BANP: variants seen among roughly 807,000 people sequenced by gnomAD.
The protein encoded by BANP is protein BANP.
A neutral mutation model predicts 68.1 loss-of-function variants in BANP; 11 were observed. The observed-to-expected ratio is 0.16, with a 90% CI of 0.10 to 0.27. BANP has a LOEUF of 0.27. Among genes scored for constraint, BANP ranks in the 10% least tolerant of loss-of-function variants. BANP has a pLI of 1.00. For missense variants in BANP, 504 were observed against 722.7 expected (o/e 0.70, Z 3.47); for synonymous variants, 329 against 303.2 (o/e 1.09, Z -0.88).
intron 1 of BANP, among the ~76,000 whole-genome samples, chr16:87,959,697 G>A (rs1442282490): frequency 6.6e-6 from 1 of 152,192 alleles, no homozygotes; most frequent in East Asian, 1.9e-4. Flanking sequence ...GTGTGTGGCA[G>A]AGGGGCGATG....
chr16:88,006,785 C>T (rs1364228366), intron 6 of BANP, among the ~76,000 whole-genome samples: 1 of 150,870 alleles, frequency 6.6e-6, no homozygotes, highest in Non-Finnish European at 1.5e-5. Context: ...AACCCCATCT[C>T]TACTAAAACT....
In BANP at chr16:88,076,884, C is replaced by T. The variant is rs538100519; in HGVS notation, c.*223C>T. The T allele has an allele frequency of 7.4e-6, 4 of 541,906 alleles. No individual in the cohort carries two copies. Among genetic ancestry groups the T allele is most frequent in the South Asian group, 2.5e-5 (1 of 40,588 alleles). 33.6% of individuals were successfully genotyped at this position (541,906 alleles called of 1,614,324 possible). On this transcript the variant is annotated 3_prime_UTR_variant, in exon 14 of 14. Transcript: ENST00000682872. ...TTCGTTTGAGTCCTGCTGTTGGTGT[C>T]GGAGCACGAGGGGAGGCACGGTGCG... is the stretch of plus-strand genomic sequence containing the variant.
At chr16:88,055,500 G>A (rs1206416877) in intron 11 of BANP, among the ~76,000 whole-genome samples, 4 of 152,102 alleles carry the variant, frequency 2.6e-5, no homozygotes, top group Non-Finnish European at 5.9e-5. Context: ...CTGATACTTC[G>A]CTTAAGAGTA....
At chr16:88,009,249 C>A (rs78499047) in intron 6 of BANP, among the ~76,000 whole-genome samples, 1 of 152,072 alleles carries the variant, frequency 6.6e-6, no homozygotes, top group South Asian at 2.1e-4. Context: ...CGAGTTTCTA[C>A]GAGGGAAAGC....
chr16:87,983,874 T>C (rs1377348134), intron 3 of BANP, among the ~76,000 whole-genome samples, 186 bp from the exon 4 acceptor site: 1 of 152,200 alleles, frequency 6.6e-6, no homozygotes, highest in East Asian at 1.9e-4. Context: ...GTGTGACTCG[T>C]GTGTAAAATG....
chr16:88,009,459 C>T (rs1359167465), intron 6 of BANP, among the ~76,000 whole-genome samples: 1 of 152,238 alleles, frequency 6.6e-6, no homozygotes, highest in Non-Finnish European at 1.5e-5. Context: ...TGTGAATTGA[C>T]ATGCTGTTTT....
chr16:88,066,475 G>T (rs573621686), intron 12 of BANP, among the ~76,000 whole-genome samples: 1 of 152,204 alleles, frequency 6.6e-6, no homozygotes, highest in Non-Finnish European at 1.5e-5. Flanking sequence ...GAAGGAGCTC[G>T]AAGGAACCCA....
intron 1 of BANP, among the ~76,000 whole-genome samples, chr16:87,965,580 C>A (rs2059878250): frequency 6.8e-6 from 1 of 148,038 alleles, no homozygotes; most frequent in Non-Finnish European, 1.5e-5. Flanking sequence ...CGCAGAGGGT[C>A]CAGGAGTAGG....
In BANP at chr16:88,036,044, C is replaced by T. The variant is rs899262638; in HGVS notation, c.1272+650C>T. Reference sequence around the variant, plus strand: ...TTGGAAAGCCGAGGCCAGCCTGTTGCGATGCTCCATGTTTGCATGCCAGAG... The same window carrying T: ...TTGGAAAGCCGAGGCCAGCCTGTTGTGATGCTCCATGTTTGCATGCCAGAG... On this transcript the variant is annotated intron_variant, in intron 10 of 13. Transcript: ENST00000682872. The surrounding 1 kb of genome is among the most constrained non-coding windows in gnomAD (Gnocchi z 4.2). 2.6e-4 allele frequency among the ~76,000 whole-genome samples: 40 copies of T among 152,334 alleles called. No individual in the cohort carries two copies. Among genetic ancestry groups the T allele is most frequent in the African/African-American group, 8.9e-4 (37 of 41,576 alleles).
At chr16:87,993,423 G>T (rs1224010249) in intron 4 of BANP, among the ~76,000 whole-genome samples, 3 of 152,140 alleles carry the variant, frequency 2.0e-5, no homozygotes, top group Non-Finnish European at 4.4e-5. Context: ...GTTTCCATCA[G>T]TGTGTGCTCA....
chr16:87,969,926 T>A (rs2060810119), intron 1 of BANP: 1 of 123,554 alleles, frequency 8.1e-6, no homozygotes, highest in South Asian at 2.3e-4. Flanking sequence ...TTTTTTTTTT[T>A]TGACAGAGTC....
chr16:87,966,128 A>G (rs771568093), intron 1 of BANP, among the ~76,000 whole-genome samples: 9 of 152,178 alleles, frequency 5.9e-5, no homozygotes, highest in Non-Finnish European at 1.2e-4. Context: ...AGATCTTTCC[A>G]TTTTGGTTCA....
intron 1 of BANP, among the ~76,000 whole-genome samples, chr16:87,961,622 G>A (rs985336370): frequency 6.6e-6 from 1 of 152,184 alleles, no homozygotes; most frequent in Non-Finnish European, 1.5e-5. Flanking sequence ...TTAAGGTTTT[G>A]TTGTTCTTTG....
intron 1 of BANP, among the ~76,000 whole-genome samples, chr16:87,964,684 A>C (rs977474188): frequency 6.6e-6 from 1 of 151,092 alleles, no homozygotes; most frequent in African/African-American, 2.4e-5. Context: ...TGATCACAGC[A>C]GAGGTGCAGG....
chr16:88,050,431 C>T (rs2082983696), intron 11 of BANP, among the ~76,000 whole-genome samples: 1 of 152,042 alleles, frequency 6.6e-6, no homozygotes, highest in African/African-American at 2.4e-5. Context: ...GCTCGGGTTA[C>T]AGGCATGAGC....
At chr16:88,054,298 A>ATCG in intron 11 of BANP, among the ~76,000 whole-genome samples, 1 of 114,384 alleles carries the variant, frequency 8.7e-6, no homozygotes, top group Admixed American at 8.5e-5. Flanking sequence ...CTCCATCATC[A>ATCG]TCACCAACAC....
rs933312071 is a variant in BANP at position 87,973,905 on chromosome 16, G to C, written c.-68-1143G>C. Reference sequence around the variant, plus strand: ...GGCCTGCTTATGTAATTTCATTCCTGTTGGGACTTATCCATGAATAGAAGT... The same window carrying C: ...GGCCTGCTTATGTAATTTCATTCCTCTTGGGACTTATCCATGAATAGAAGT... On this transcript the variant is annotated intron_variant, in intron 1 of 13. Coordinates refer to ENST00000682872, the MANE Select transcript of BANP (RefSeq NM_001386991.1). Among the ~76,000 whole-genome samples the C allele has an allele frequency of 3.3e-5, 5 of 152,306 alleles. No homozygotes were observed. In the South Asian group the frequency reaches 1.0e-3, roughly 32 times the overall value.
At chr16:87,972,963 T>G (rs1420003573) in intron 1 of BANP, among the ~76,000 whole-genome samples, 1 of 152,108 alleles carries the variant, frequency 6.6e-6, no homozygotes, top group Non-Finnish European at 1.5e-5. Context: ...GCCTGGCTCC[T>G]GCTTCCCTTT....
chr16:88,038,106 G>A lies in BANP; in HGVS notation c.1311+95G>A, dbSNP rs149669486. ...GTGGGACGGTCAGGTGAGTGCCCTG[G>A]TCCCCATGTACATGTGGGCATTGCG... On this transcript the variant is annotated intron_variant, in intron 11 of 13. Coordinates refer to ENST00000682872, the MANE Select transcript of BANP (RefSeq NM_001386991.1). 2.2e-3 allele frequency: 2,861 copies of A among 1,315,422 alleles called. 65 individuals are homozygous for A. In the African/African-American group the frequency reaches 0.038, roughly 17 times the overall value. 81.5% of individuals were successfully genotyped at this position (1,315,422 alleles called of 1,614,324 possible). A position where few individuals can be genotyped will look rare whatever the true frequency, so the allele number is the denominator to read the frequency against.
Sources: gnomAD v4.1 joint callset for allele counts (sites outside exome capture counted in the v4.1 genomes callset) on GRCh38, gnomAD v4.1.1 for gene constraint, Gnocchi (gnomAD v3.1) non-coding constraint, MANE v1.5 for transcripts, NCBI Gene and HGNC (gene_info 2026-07-23, HGNC 2026-07-21) for gene names.